The following SMOC1 variants were observed in gnomAD, a reference collection of about 807,000 sequenced individuals.
SMOC1 encodes SPARC-related modular calcium-binding protein 1.
A neutral mutation model predicts 56.3 loss-of-function variants in SMOC1; 22 were observed. The ratio of observed to expected loss-of-function variants is 0.39; its 90% CI spans 0.28 to 0.56. The LOEUF (loss-of-function observed/expected upper bound fraction) is 0.56. Ranked by LOEUF, SMOC1 falls within the 20% of genes least tolerant of loss-of-function variation. The pLI, the probability that SMOC1 is intolerant of heterozygous loss-of-function variation, is 0.61. For synonymous variants in SMOC1, 193 were observed against 215.0 expected (o/e 0.90, Z 0.89); for missense variants, 509 against 565.4 (o/e 0.90, Z 1.01).
rs779586669 is a variant in SMOC1, at chr14:69,952,242, G to A, written c.204G>A (p.Glu68=). Residue 68 remains glutamate, a synonymous_variant, in exon 2 of 12, where the codon GAG becomes GAA. Transcript: ENST00000361956. Reference sequence around the variant, plus strand: ...GCAGGTCCTACGAGTCCATGTGTGAGTACCAGCGAGCCAAGTGCCGAGACC... The same window carrying A: ...GCAGGTCCTACGAGTCCATGTGTGAATACCAGCGAGCCAAGTGCCGAGACC... ...SDGRSYESMC[E]YQRAKCRDPT... The A allele has an allele frequency of 1.9e-6, 3 of 1,614,076 alleles. No individual in the cohort carries two copies. The highest frequency in any genetic ancestry group is 1.1e-5 in the South Asian group (1 of 91,088).
Position 69,980,595 on chromosome 14 carries a change from G to A in SMOC1, c.526+2630G>A, listed in dbSNP as rs564295116. 4.1e-4 allele frequency among the ~76,000 whole-genome samples: 63 copies of A among 152,304 alleles called. No homozygotes were observed. The Middle Eastern group carries it at 0.031, about 74-fold the overall frequency. On this transcript the variant is annotated intron_variant, in intron 5 of 11. Coordinates refer to ENST00000361956, the MANE Select transcript of SMOC1 (RefSeq NM_001034852.3). ...AAGCTGGGGTTTGAATGGGGACAGG[G>A]TGCGAGAGGGCATTAGTAATATCCT...
At chr14:69,889,991 G>T (rs117462640) in intron 1 of SMOC1, among the ~76,000 whole-genome samples, 2,539 of 152,286 alleles carry the variant, frequency 0.017, 57 homozygotes, top group South Asian at 0.13. Context: ...TTTAAGTTTA[G>T]CTGATTAGAA....
intron 1 of SMOC1, among the ~76,000 whole-genome samples, chr14:69,916,595 G>A (rs539350806): frequency 5.1e-4 from 78 of 152,314 alleles, no homozygotes; most frequent in African/African-American, 1.8e-3. Context: ...TGTTCCCTGA[G>A]CACTTGGGTC....
intron 5 of SMOC1, among the ~76,000 whole-genome samples, chr14:69,980,014 T>G (rs895400199): frequency 6.6e-6 from 1 of 152,314 alleles, no homozygotes; most frequent in East Asian, 1.9e-4. Context: ...TGGACAACAA[T>G]GACAGACAGA....
chr14:69,984,935 G>A (rs530190212), intron 5 of SMOC1, among the ~76,000 whole-genome samples: 7 of 151,914 alleles, frequency 4.6e-5, no homozygotes, highest in East Asian at 1.9e-4. Context: ...CCAGCTACTC[G>A]GAAGGCTGAG....
At chr14:70,008,033 A>G (rs1490027227) in intron 7 of SMOC1, among the ~76,000 whole-genome samples, 1 of 152,210 alleles carries the variant, frequency 6.6e-6, no homozygotes, top group Non-Finnish European at 1.5e-5. Flanking sequence ...ATAAAATAAA[A>G]AAGTAATAAA....
At chr14:69,901,587 G>A (rs1423835877) in intron 1 of SMOC1, among the ~76,000 whole-genome samples, 1 of 152,216 alleles carries the variant, frequency 6.6e-6, no homozygotes. Flanking sequence ...AAAAAACTCT[G>A]AGTTAAAAGT....
chr14:70,023,360 C>A lies in SMOC1; in HGVS notation c.1204C>A (p.Arg402=). 1 of 1,614,098 alleles carries A rather than the reference C, an allele frequency of 6.2e-7. No homozygotes were observed. Among genetic ancestry groups the A allele is most frequent in the Non-Finnish European group, 8.5e-7 (1 of 1,180,028 alleles). ...GAAAGCCAAGCCCAAGAAATGTGCC[C>A]GGCGTTTCACCGACTACTGTGACCT... ...KKKAKPKKCA[R]RFTDYCDLNK... The change falls in exon 11 of 12, where the codon CGG becomes AGG. Residue 402 remains arginine (R), a synonymous_variant. Transcript: ENST00000361956.
chr14:69,946,071 A>G (rs886771216), intron 1 of SMOC1, among the ~76,000 whole-genome samples: 1 of 152,164 alleles, frequency 6.6e-6, no homozygotes, highest in Non-Finnish European at 1.5e-5. Context: ...TATTCCCTAT[A>G]TTGTCATGGA....
chr14:70,025,879 G>A (rs1885907671), intron 11 of SMOC1, among the ~76,000 whole-genome samples: 1 of 152,192 alleles, frequency 6.6e-6, no homozygotes, highest in Non-Finnish European at 1.5e-5. Context: ...CTGTTGTGCT[G>A]ATTAAATGGG....
intron 1 of SMOC1, among the ~76,000 whole-genome samples, chr14:69,929,828 C>T (rs147708313): frequency 1.4e-4 from 21 of 152,212 alleles, no homozygotes; most frequent in South Asian, 4.2e-4. Context: ...GTTTCTTGGT[C>T]GGACAGGGAA....
intron 3 of SMOC1, among the ~76,000 whole-genome samples, chr14:69,956,448 C>CTT (rs3052655): frequency 0.31 from 40,933 of 130,534 alleles, 6,538 homozygotes; most frequent in East Asian, 0.39. Context: ...CTTAGCTGGG[C>CTT]TTTTTTTTTT....
intron 1 of SMOC1, among the ~76,000 whole-genome samples, chr14:69,902,185 G>C (rs180832142): frequency 1.3e-5 from 2 of 152,330 alleles, no homozygotes; most frequent in East Asian, 3.9e-4. Flanking sequence ...ATGTAGGCCT[G>C]TAGTCATTGG....
intron 1 of SMOC1, among the ~76,000 whole-genome samples, chr14:69,881,970 G>C (rs1406999671): frequency 6.6e-6 from 1 of 152,178 alleles, no homozygotes; most frequent in Non-Finnish European, 1.5e-5. Flanking sequence ...CCACCACCAG[G>C]CAGCTATAGT....
At chr14:70,023,071 C>A in intron 10 of SMOC1, 132 bp from the exon 11 acceptor site, 2 of 1,379,368 alleles carry the variant, frequency 1.4e-6, no homozygotes, top group Non-Finnish European at 2.1e-6. Context: ...CAGGCTGAGC[C>A]GCTGTGGGTG....
rs145233840 is a variant in SMOC1, at chr14:69,900,621, G to A, written c.99+20844G>A. Among the ~76,000 whole-genome samples the A allele has an allele frequency of 7.2e-4, 110 of 152,248 alleles. 1 individual carries two copies. The highest frequency in any genetic ancestry group is 2.6e-3 in the African/African-American group (110 of 41,554). Reference sequence around the variant, plus strand: ...AAACTGAGACACACAGAGATTCATTGACCTGAGATGCTTACTTCAGGCAGC... The same window carrying A: ...AAACTGAGACACACAGAGATTCATTAACCTGAGATGCTTACTTCAGGCAGC... On this transcript the variant is annotated intron_variant, in intron 1 of 11. Coordinates refer to ENST00000361956, the MANE Select transcript of SMOC1 (RefSeq NM_001034852.3).
chr14:69,886,053 G>T, intron 1 of SMOC1: 41 of 1,584,048 alleles, frequency 2.6e-5, no homozygotes, highest in Non-Finnish European at 3.3e-5. Flanking sequence ...TCAAACAGGG[G>T]ATTCACCACT....
At chr14:69,966,739 C>T (rs1883591106) in intron 3 of SMOC1, among the ~76,000 whole-genome samples, 1 of 152,134 alleles carries the variant, frequency 6.6e-6, no homozygotes, top group African/African-American at 2.4e-5. Flanking sequence ...TCCTCTTTAC[C>T]TTGACTTGAG....
intron 1 of SMOC1, among the ~76,000 whole-genome samples, chr14:69,942,786 A>C (rs536076126): frequency 5.9e-5 from 9 of 152,234 alleles, no homozygotes; most frequent in Non-Finnish European, 7.3e-5. Flanking sequence ...AAGATTGAGA[A>C]GGAGCATGGG....
Sources: allele counts gnomAD v4.1 joint callset (sites outside exome capture counted in the v4.1 genomes callset), GRCh38; gene constraint gnomAD v4.1.1; transcripts MANE v1.5; gene names NCBI Gene and HGNC (gene_info 2026-07-23, HGNC 2026-07-21).